The following RBMS3 variants were observed in gnomAD, a reference collection of about 807,000 sequenced individuals.
RBMS3 encodes the protein RNA-binding motif, single-stranded-interacting protein 3.
A neutral mutation model predicts 66.8 loss-of-function variants in RBMS3; 27 were observed. The ratio of observed to expected loss-of-function variants is 0.40; its 90% confidence interval spans 0.30 to 0.56. The LOEUF (loss-of-function observed/expected upper bound fraction) is 0.56. Ranked by LOEUF, RBMS3 falls within the 20% of genes least tolerant of loss-of-function variation. RBMS3 has a pLI of 0.40. For synonymous variants in RBMS3, 188 were observed against 183.0 expected (o/e 1.03, Z -0.22); for missense variants, 513 against 549.5 (o/e 0.93, Z 0.66).
chr3:29,705,113 C>T (rs1445977082), intron 4 of RBMS3, among the ~76,000 whole-genome samples: 1 of 152,184 alleles, frequency 6.6e-6, no homozygotes, highest in Non-Finnish European at 1.5e-5. Flanking sequence ...AGCTTTCTCG[C>T]CCATGTCCAC....
intron 1 of RBMS3, among the ~76,000 whole-genome samples, chr3:29,337,434 T>C (rs2036018734): frequency 6.6e-6 from 1 of 151,130 alleles, no homozygotes; most frequent in Non-Finnish European, 1.5e-5. Context: ...AGGCCAGGAG[T>C]TGGCGACTAG....
chr3:29,596,588 C>T (rs77456706), intron 4 of RBMS3, among the ~76,000 whole-genome samples: 6,085 of 152,228 alleles, frequency 0.04, 165 homozygotes, highest in Admixed American at 0.088. Context: ...TAGGAGATGT[C>T]CCACATTCAC....
chr3:29,867,376 TG>T (rs2059388690), intron 6 of RBMS3, among the ~76,000 whole-genome samples: 1 of 151,032 alleles, frequency 6.6e-6, no homozygotes, highest in South Asian at 2.1e-4. Flanking sequence ...ATTGGTGTGG[TG>T]GGCTCAGTTT....
At chr3:29,337,841 A>G (rs2036042645) in intron 1 of RBMS3, among the ~76,000 whole-genome samples, 1 of 152,170 alleles carries the variant, frequency 6.6e-6, no homozygotes, top group Admixed American at 6.6e-5. Context: ...CAGTTAGGGG[A>G]CATGTTTGAT....
chr3:29,778,908 G>A (rs1160722466), intron 6 of RBMS3, among the ~76,000 whole-genome samples: 1 of 151,814 alleles, frequency 6.6e-6, no homozygotes, highest in Non-Finnish European at 1.5e-5. Context: ...TACACTATAG[G>A]AGAAAATATC....
At chr3:29,414,319 GACC>G (rs2040392009) in intron 1 of RBMS3, among the ~76,000 whole-genome samples, 1 of 152,064 alleles carries the variant, frequency 6.6e-6, no homozygotes, top group Non-Finnish European at 1.5e-5. Flanking sequence ...ACAGTCAAAG[GACC>G]ACCCACTTTC....
intron 14 of RBMS3, among the ~76,000 whole-genome samples, chr3:29,996,113 C>T (rs1371893320): frequency 6.6e-6 from 1 of 150,904 alleles, no homozygotes; most frequent in Admixed American, 6.6e-5. Context: ...GCAGGGGTTG[C>T]AATCCTAGTC....
intron 3 of RBMS3, among the ~76,000 whole-genome samples, chr3:29,547,741 A>G (rs1559458177): frequency 6.6e-6 from 1 of 151,800 alleles, no homozygotes; most frequent in Non-Finnish European, 1.5e-5. Context: ...TAGTCTGTAC[A>G]GATCTGCTAG....
intron 1 of RBMS3, among the ~76,000 whole-genome samples, chr3:29,359,361 G>A (rs549808972): frequency 8.6e-4 from 131 of 152,190 alleles, no homozygotes; most frequent in African/African-American, 3.0e-3. Flanking sequence ...ATTGATTTTC[G>A]TATGTTGAAC....
At chr3:29,789,313 A>G (rs1017220813) in intron 6 of RBMS3, among the ~76,000 whole-genome samples, 2 of 152,140 alleles carry the variant, frequency 1.3e-5, no homozygotes, top group Non-Finnish European at 2.9e-5. Context: ...TGAGAATATT[A>G]AAATGTAACT....
intron 1 of RBMS3, among the ~76,000 whole-genome samples, chr3:29,322,651 C>A (rs952521972): frequency 6.6e-6 from 1 of 151,632 alleles, no homozygotes; most frequent in Non-Finnish European, 1.5e-5. Context: ...ATACTCCAGA[C>A]ACTGGTCTTT....
chr3:29,813,992 C>T (rs1249742694), intron 6 of RBMS3, among the ~76,000 whole-genome samples: 1 of 151,914 alleles, frequency 6.6e-6, no homozygotes, highest in East Asian at 1.9e-4. Context: ...TGCCTAATTG[C>T]CCTGGCCAGA....
chr3:29,383,021 C>T (rs2038842523), intron 1 of RBMS3, among the ~76,000 whole-genome samples: 1 of 152,162 alleles, frequency 6.6e-6, no homozygotes, highest in African/African-American at 2.4e-5. Context: ...TCAGGTGTAA[C>T]TGTCAAAGAG....
chr3:29,592,638 C>T (rs1428050848), intron 4 of RBMS3, among the ~76,000 whole-genome samples: 1 of 152,044 alleles, frequency 6.6e-6, no homozygotes, highest in African/African-American at 2.4e-5. Context: ...TACCATTTGA[C>T]CCAGTGATCC....
In RBMS3 at chr3:29,734,508, A is replaced by C. The variant is rs376362172; in HGVS notation, c.400-5212A>C. 2.6e-5 allele frequency among the ~76,000 whole-genome samples: 4 copies of C among 152,128 alleles called. No individual in the cohort carries two copies. The East Asian group carries it at 7.7e-4, about 29-fold the overall frequency. On this transcript the variant is annotated intron_variant, in intron 4 of 14. Coordinates refer to ENST00000383767, the MANE Select transcript of RBMS3 (RefSeq NM_001003793.3). ...TTCATATATCAAAATATCACTTTGC[A>C]CCACATACATTTGTACAATTATTAC...
At chr3:29,639,571 T>C (rs140179025) in intron 4 of RBMS3, among the ~76,000 whole-genome samples, 98 of 144,414 alleles carry the variant, frequency 6.8e-4, no homozygotes, top group Admixed American at 1.0e-3. Flanking sequence ...ATATACACTA[T>C]AGATGATAGA....
At chr3:29,513,961 C>G (rs1176846865) in intron 3 of RBMS3, among the ~76,000 whole-genome samples, 1 of 152,128 alleles carries the variant, frequency 6.6e-6, no homozygotes, top group South Asian at 2.1e-4. Flanking sequence ...GAATCATATT[C>G]ATAACTCTCT....
chr3:29,944,394 T>C, intron 12 of RBMS3, 140 bp downstream of exon 12: 1 of 642,422 alleles, frequency 1.6e-6, no homozygotes, highest in East Asian at 2.7e-5. Context: ...CAAGGGGGCA[T>C]GTGTAGTTCA....
intron 3 of RBMS3, among the ~76,000 whole-genome samples, chr3:29,572,973 C>T (rs2046995166): frequency 1.3e-5 from 2 of 151,650 alleles, no homozygotes; most frequent in Admixed American, 6.6e-5. Context: ...CTTTGGATTT[C>T]TTCATAATTC....
Sources: allele counts gnomAD v4.1 joint callset (sites outside exome capture counted in the v4.1 genomes callset), GRCh38; gene constraint gnomAD v4.1.1; transcripts MANE v1.5; gene names NCBI Gene and HGNC (gene_info 2026-07-23, HGNC 2026-07-21).